The following DOCK3 variants were observed in gnomAD, a reference collection of about 807,000 sequenced individuals.
DOCK3 encodes the protein dedicator of cytokinesis 3, also known as dedicator of cytokinesis protein 3.
Under a neutral mutation model 265.6 loss-of-function variants are expected in DOCK3, and 60 were observed. The ratio of observed to expected loss-of-function variants is 0.23; its 90% confidence interval spans 0.18 to 0.28. The LOEUF is 0.28. Among genes scored for constraint, DOCK3 ranks in the 10% least tolerant of loss-of-function variants. The probability of loss-of-function intolerance (pLI) is 1.00; values close to 1 mark genes in which losing one functional copy is unlikely to be tolerated. For synonymous variants in DOCK3, 881 were observed against 938.0 expected (o/e 0.94, Z 1.11); for missense variants, 1,981 against 2,594.3 (o/e 0.76, Z 5.14).
At chr3:50,955,972 G>A (rs2076718068) in intron 5 of DOCK3, among the ~76,000 whole-genome samples, 1 of 152,134 alleles carries the variant, frequency 6.6e-6, no homozygotes, top group South Asian at 2.1e-4. Flanking sequence ...TCAGTATTTG[G>A]AATTTTCCCT....
intron 1 of DOCK3, among the ~76,000 whole-genome samples, chr3:50,710,106 A>C (rs1172326171): frequency 6.6e-6 from 1 of 152,198 alleles, no homozygotes; most frequent in East Asian, 1.9e-4. Flanking sequence ...ACATTGGCTT[A>C]GGCAGAGTTC....
chr3:51,047,854 CAG>C (rs1190420375), intron 5 of DOCK3, among the ~76,000 whole-genome samples: 3 of 152,158 alleles, frequency 2.0e-5, no homozygotes, highest in Non-Finnish European at 4.4e-5. Context: ...TATAAAAAAA[CAG>C]AAGGAGGAGC....
intron 2 of DOCK3, among the ~76,000 whole-genome samples, chr3:50,827,017 G>C (rs1190040585): frequency 6.6e-6 from 1 of 152,080 alleles, no homozygotes; most frequent in Non-Finnish European, 1.5e-5. Context: ...AAGGGCCCAG[G>C]AAGAAACTAA....
intron 14 of DOCK3, among the ~76,000 whole-genome samples, chr3:51,220,709 G>GTGTGTGTGTGTA (rs1208536854): frequency 5.3e-4 from 70 of 132,374 alleles, no homozygotes; most frequent in African/African-American, 1.6e-3. Flanking sequence ...GTGTGTGTGT[G>GTGTGTGTGTGTA]TATATATATA....
At chr3:50,703,080 T>C (rs918920358) in intron 1 of DOCK3, among the ~76,000 whole-genome samples, 7 of 152,216 alleles carry the variant, frequency 4.6e-5, no homozygotes, top group African/African-American at 7.2e-5. Flanking sequence ...AGTGTTTTTT[T>C]CTGCATCCAT....
intron 5 of DOCK3, among the ~76,000 whole-genome samples, chr3:50,995,683 A>G (rs1433428442): frequency 2.6e-5 from 4 of 152,168 alleles, no homozygotes; most frequent in Non-Finnish European, 5.9e-5. Flanking sequence ...GAGATTGGTG[A>G]GAACAGTTCA....
At chr3:50,875,174 C>A (rs2047642806) in intron 3 of DOCK3, among the ~76,000 whole-genome samples, 1 of 152,042 alleles carries the variant, frequency 6.6e-6, no homozygotes, top group African/African-American at 2.4e-5. Flanking sequence ...ATGTAACAAA[C>A]CTGCACGTTC....
In DOCK3 at chr3:51,228,643, C is replaced by A; in HGVS notation, c.1648-18C>A. ...TGCATGGCTCAGGGGACATTTTTTT[C>A]TCCATTTTTGCCTACAGTGTGATGA... On this transcript the variant is annotated intron_variant, in intron 17 of 52. Transcript: ENST00000266037. 1 of 1,599,090 alleles carries A rather than the reference C, an allele frequency of 6.3e-7. No individual in the cohort carries two copies. The highest frequency in any genetic ancestry group is 8.5e-7 in the Non-Finnish European group (1 of 1,173,664).
intron 8 of DOCK3, 133 bp downstream of exon 8, chr3:51,089,417 T>A (rs2082552040): frequency 9.0e-7 from 1 of 1,105,546 alleles, no homozygotes; most frequent in African/African-American, 1.6e-5. Context: ...TCTGAGGAGC[T>A]TTGACCTCTA....
At chr3:50,997,676 G>A (rs2078331877) in intron 5 of DOCK3, among the ~76,000 whole-genome samples, 1 of 152,160 alleles carries the variant, frequency 6.6e-6, no homozygotes, top group Non-Finnish European at 1.5e-5. Flanking sequence ...CATTGTGCTG[G>A]TGGTTGCTTT....
chr3:51,023,095 C>G (rs552769021), intron 5 of DOCK3, among the ~76,000 whole-genome samples: 1 of 152,260 alleles, frequency 6.6e-6, no homozygotes, highest in South Asian at 2.1e-4. Context: ...ATATCCAGAT[C>G]TCTAACAACG....
chr3:50,723,415 A>T (rs1035150779), intron 1 of DOCK3, among the ~76,000 whole-genome samples: 1 of 152,206 alleles, frequency 6.6e-6, no homozygotes, highest in African/African-American at 2.4e-5. Context: ...TCATGCCTGT[A>T]ATCCCAGCAC....
At chr3:50,786,288 T>C (rs1198113773) in intron 2 of DOCK3, among the ~76,000 whole-genome samples, 1 of 152,180 alleles carries the variant, frequency 6.6e-6, no homozygotes, top group African/African-American at 2.4e-5. Context: ...ATTCTAGAAG[T>C]CTGAGTATTT....
chr3:50,788,812 G>A (rs2042316874), intron 2 of DOCK3, among the ~76,000 whole-genome samples: 1 of 149,058 alleles, frequency 6.7e-6, no homozygotes, highest in South Asian at 2.1e-4. Flanking sequence ...GGAGGGGGGT[G>A]GGTGTGTGGA....
At chr3:51,246,656 G>C in intron 21 of DOCK3, 70 bp from the exon 22 acceptor site, 1 of 1,403,276 alleles carries the variant, frequency 7.1e-7, no homozygotes, top group Non-Finnish European at 1.0e-6. Context: ...CCTAATTCAG[G>C]GCTACAGATG....
At chr3:51,314,248 G>A (rs531683566) in intron 31 of DOCK3, among the ~76,000 whole-genome samples, 2 of 152,284 alleles carry the variant, frequency 1.3e-5, no homozygotes, top group African/African-American at 4.8e-5. Flanking sequence ...GCCAATGAGA[G>A]GGAAACCCAC....
intron 35 of DOCK3, among the ~76,000 whole-genome samples, chr3:51,333,628 AC>A (rs1382448039): frequency 6.6e-6 from 1 of 151,940 alleles, no homozygotes; most frequent in Non-Finnish European, 1.5e-5. Flanking sequence ...CTTAGTGCAG[AC>A]CCTCCTCAGA....
At chr3:50,953,751 A>G (rs2076654847) in intron 5 of DOCK3, among the ~76,000 whole-genome samples, 1 of 152,148 alleles carries the variant, frequency 6.6e-6, no homozygotes, top group Non-Finnish European at 1.5e-5. Flanking sequence ...TAATTTTTGC[A>G]GAGTGGGCAA....
intron 7 of DOCK3, among the ~76,000 whole-genome samples, 179 bp downstream of exon 7, chr3:51,075,619 T>A (rs1046348088): frequency 6.6e-6 from 1 of 152,230 alleles, no homozygotes; most frequent in African/African-American, 2.4e-5. Flanking sequence ...GATTCCATTG[T>A]AGTAAACTAC....
Sources: allele counts gnomAD v4.1 joint callset (sites outside exome capture counted in the v4.1 genomes callset), GRCh38; gene constraint gnomAD v4.1.1; transcripts MANE v1.5; gene names NCBI Gene and HGNC (gene_info 2026-07-23, HGNC 2026-07-21).